The following PCSK5 variants were observed in gnomAD, a reference collection of about 807,000 sequenced individuals.
PCSK5 encodes proprotein convertase subtilisin/kexin type 5, also known as prohormone convertase 5.
PCSK5 carries 129 observed loss-of-function variants against 233.2 expected under a neutral mutation model. That is an observed-to-expected ratio of 0.55 (90% CI 0.48 to 0.64). The LOEUF is 0.64. PCSK5 is among the 30% of genes least tolerant of loss of function. The pLI is 0.00. For synonymous variants in PCSK5, 825 were observed against 879.2 expected, an observed-to-expected ratio of 0.94 and a Z score of 1.09; for missense variants, 2,076 against 2,430.1, an observed-to-expected ratio of 0.85 and a Z score of 3.06.
intron 24 of PCSK5, among the ~76,000 whole-genome samples, chr9:76,274,445 G>A (rs1357748906): frequency 2.0e-5 from 3 of 151,944 alleles, no homozygotes; most frequent in Non-Finnish European, 4.4e-5. Flanking sequence ...TTTCTCTCAT[G>A]GTGACTGATT....
chr9:75,897,049 AG>A (rs1367883299), intron 1 of PCSK5, among the ~76,000 whole-genome samples: 1 of 152,018 alleles, frequency 6.6e-6, no homozygotes, highest in Non-Finnish European at 1.5e-5. Context: ...CCTGACCCTC[AG>A]TTCCTCATTT....
intron 5 of PCSK5, among the ~76,000 whole-genome samples, chr9:76,041,612 C>T (rs769805290): frequency 1.1e-4 from 17 of 151,952 alleles, no homozygotes; most frequent in Non-Finnish European, 1.0e-4. Flanking sequence ...GAGGCCAAGG[C>T]GGGCGGATCA....
At position 76,206,905 on chromosome 9, in the gene PCSK5, G is replaced by T. The variant is rs1825137681; in HGVS notation, c.2626+17159G>T. Among the ~76,000 whole-genome samples the T allele has an allele frequency of 2.6e-5, 4 of 152,144 alleles. No homozygotes were observed. In the South Asian group the frequency reaches 8.3e-4, roughly 31 times the overall value. On this transcript the variant is annotated intron_variant, in intron 20 of 37. Transcript: ENST00000674117. ...TCCCTCACACTTCTGGAGGTCAGTA[G>T]TCAGCAATCAGGGTTTCAGTAGGGC...
intron 24 of PCSK5, among the ~76,000 whole-genome samples, chr9:76,247,209 G>T (rs1826638541): frequency 6.6e-6 from 1 of 152,220 alleles, no homozygotes; most frequent in Non-Finnish European, 1.5e-5. Flanking sequence ...GAAGTCAGCG[G>T]CAGGTCTGTG....
At chr9:76,053,937 G>A (rs1041867276) in intron 5 of PCSK5, among the ~76,000 whole-genome samples, 4 of 152,114 alleles carry the variant, frequency 2.6e-5, no homozygotes, top group Admixed American at 6.5e-5. Context: ...AGACATACTC[G>A]AGATTGGGTA....
At chr9:76,201,411 G>A (rs920212104) in intron 20 of PCSK5, among the ~76,000 whole-genome samples, 1 of 152,162 alleles carries the variant, frequency 6.6e-6, no homozygotes, top group African/African-American at 2.4e-5. Context: ...GGAAACAGAT[G>A]AGGTAAATGC....
intron 4 of PCSK5, among the ~76,000 whole-genome samples, chr9:76,026,624 A>G (rs1226510772): frequency 6.6e-6 from 1 of 152,128 alleles, no homozygotes; most frequent in Non-Finnish European, 1.5e-5. Context: ...CCTCAGAGAA[A>G]AGGTAATAAT....
chr9:75,928,366 C>T (rs1195638328), intron 1 of PCSK5, among the ~76,000 whole-genome samples: 1 of 151,772 alleles, frequency 6.6e-6, no homozygotes, highest in African/African-American at 2.4e-5. Flanking sequence ...TTACATTACC[C>T]CAGAGAAGCT....
At chr9:76,027,181 A>G in intron 5 of PCSK5, 144 bp downstream of exon 5, 1 of 571,124 alleles carries the variant, frequency 1.8e-6, no homozygotes, top group Non-Finnish European at 3.2e-6. Flanking sequence ...CTTTCCACTG[A>G]AGCCTCTGAG....
chr9:75,899,449 C>T (rs1825937172), intron 1 of PCSK5, among the ~76,000 whole-genome samples: 1 of 152,024 alleles, frequency 6.6e-6, no homozygotes, highest in South Asian at 2.1e-4. Flanking sequence ...GTTGTTTATC[C>T]CTAGTACTCC....
At chr9:76,135,997 G>A (rs148995670) in intron 10 of PCSK5, among the ~76,000 whole-genome samples, 1 of 152,084 alleles carries the variant, frequency 6.6e-6, no homozygotes, top group African/African-American at 2.4e-5. Flanking sequence ...AATCTAAAGG[G>A]GTTTGTGCAC....
rs1824826831 is a variant in PCSK5, at chr9:76,199,412, A to G, written c.2626+9666A>G. ...ATTGACCAAAACGTCATTATATGGT[A>G]CATGACTATAATTAATGTTAATGTA... On this transcript the variant is annotated intron_variant, in intron 20 of 37. Coordinates refer to ENST00000674117, the MANE Select transcript of PCSK5 (RefSeq NM_001372043.1). Among the ~76,000 whole-genome samples, 3 of 152,252 alleles carry G rather than the reference A, an allele frequency of 2.0e-5. 1 individual carries two copies. The highest frequency in any genetic ancestry group is 7.2e-5 in the African/African-American group (3 of 41,472).
chr9:76,279,767 T>A (rs1303579507), intron 24 of PCSK5, among the ~76,000 whole-genome samples: 2 of 151,842 alleles, frequency 1.3e-5, no homozygotes, highest in Non-Finnish European at 2.9e-5. Context: ...GTTGTTTGTT[T>A]TTTTCTTGTA....
At chr9:75,992,761 C>T (rs1417295337) in intron 3 of PCSK5, among the ~76,000 whole-genome samples, 2 of 152,094 alleles carry the variant, frequency 1.3e-5, no homozygotes, top group Non-Finnish European at 2.9e-5. Flanking sequence ...ATTTAATATG[C>T]ATTATTTAAA....
intron 20 of PCSK5, among the ~76,000 whole-genome samples, chr9:76,209,185 T>C (rs578192598): frequency 1.3e-5 from 2 of 152,184 alleles, no homozygotes; most frequent in Non-Finnish European, 2.9e-5. Context: ...ATGTTGGTAA[T>C]TAACCTTGTC....
chr9:76,095,204 A>G (rs2131648000), intron 7 of PCSK5, among the ~76,000 whole-genome samples: 1 of 152,332 alleles, frequency 6.6e-6, no homozygotes, highest in East Asian at 1.9e-4. Context: ...CTCAGTAATT[A>G]GTGTCTACAC....
At chr9:76,237,489 G>A (rs901365944) in intron 22 of PCSK5, among the ~76,000 whole-genome samples, 87 of 151,862 alleles carry the variant, frequency 5.7e-4, no homozygotes, top group African/African-American at 1.6e-3. Flanking sequence ...CATTTCAGGC[G>A]AGGCACAGTG....
At chr9:75,974,486 A>T (rs2131370591) in intron 2 of PCSK5, among the ~76,000 whole-genome samples, 1 of 152,154 alleles carries the variant, frequency 6.6e-6, no homozygotes, top group Non-Finnish European at 1.5e-5. Context: ...TTTGGACAGC[A>T]TTTTTCCCTG....
At chr9:76,042,541 G>C (rs1203206651) in intron 5 of PCSK5, among the ~76,000 whole-genome samples, 1 of 152,106 alleles carries the variant, frequency 6.6e-6, no homozygotes, top group African/African-American at 2.4e-5. Flanking sequence ...TGTAATCCCA[G>C]CTACTAGGGG....
Sources: gnomAD v4.1 joint callset for allele counts (sites outside exome capture counted in the v4.1 genomes callset) on GRCh38, gnomAD v4.1.1 for gene constraint, MANE v1.5 for transcripts, NCBI Gene and HGNC (gene_info 2026-07-23, HGNC 2026-07-21) for gene names.